The following KDM1B variants were observed in gnomAD, a reference collection of about 807,000 sequenced individuals.
KDM1B encodes the protein lysine demethylase 1B.
KDM1B carries 63 observed loss-of-function variants against 107.4 expected under a neutral mutation model. The ratio of observed to expected loss-of-function variants is 0.59; its 90% CI spans 0.48 to 0.72. The LOEUF (loss-of-function observed/expected upper bound fraction) is 0.72, where lower values mean the gene tolerates loss of function less well. Among genes scored for constraint, KDM1B ranks in the 30% least tolerant of loss-of-function variants. The probability of loss-of-function intolerance (pLI) is 0.00; values close to 1 mark genes in which losing one functional copy is unlikely to be tolerated. For synonymous variants in KDM1B, 363 were observed against 363.9 expected, an observed-to-expected ratio of 1.00 and a Z score of 0.03; for missense variants, 749 against 1,020.8, an observed-to-expected ratio of 0.73 and a Z score of 3.63.
At position 18,222,089 on chromosome 6, in the gene KDM1B, T is replaced by C; in HGVS notation, c.*97T>C. On this transcript the variant is annotated 3_prime_UTR_variant, in exon 22 of 22. Transcript: ENST00000650836. ...TATAAGAGGGGGAAAAAACCGTCTC[T>C]ACATAGTAAAACTGAAATGTTTCTA... is the stretch of plus-strand genomic sequence containing the variant. The C allele has an allele frequency of 1.9e-6, 2 of 1,076,470 alleles. No homozygotes were observed. Among genetic ancestry groups the C allele is most frequent in the Non-Finnish European group, 2.9e-6 (2 of 692,090 alleles). The allele number at this position is 1,076,470 out of a possible 1,614,324, so 66.7% of individuals were successfully genotyped here.
Position 18,200,987 on chromosome 6 carries a change from T to A in KDM1B, c.1359+411T>A, listed in dbSNP as rs1009383897. 6.6e-6 allele frequency among the ~76,000 whole-genome samples: 1 copy of A among 152,240 alleles called. No individual in the cohort carries two copies. Among genetic ancestry groups the A allele is most frequent in the African/African-American group, 2.4e-5 (1 of 41,472 alleles). ...CATACTTATACTTAAAAAAATTATG[T>A]ATTACTAATCTGAACATCATATTTA... On this transcript the variant is annotated intron_variant, in intron 13 of 21. Transcript: ENST00000650836. The surrounding 1 kb of genome is among the most constrained non-coding windows in gnomAD (Gnocchi z 4.3).
At chr6:18,195,760 T>G (rs928403440) in intron 10 of KDM1B, among the ~76,000 whole-genome samples, 18 of 131,722 alleles carry the variant, frequency 1.4e-4, no homozygotes, top group Admixed American at 3.8e-4. Flanking sequence ...AGAAAGAAAA[T>G]ATGTATACAT....
chr6:18,175,936 CT>C (rs1269882031), intron 7 of KDM1B, among the ~76,000 whole-genome samples: 1 of 151,672 alleles, frequency 6.6e-6, no homozygotes, highest in African/African-American at 2.4e-5. Flanking sequence ...CTTTGTCTTG[CT>C]TTGGCTATGC....
rs374180615 is a variant in KDM1B at position 18,208,107 on chromosome 6, T to C, written c.1792-25T>C. 8.8e-5 allele frequency: 140 copies of C among 1,592,076 alleles called. No homozygotes were observed. The Middle Eastern group carries it at 9.9e-4, about 11-fold the overall frequency. On this transcript the variant is annotated intron_variant, in intron 16 of 21. Transcript: ENST00000650836. ...GATCACGTGGTTCCATCCCTCACTTTTTTTCATAATTGCTTTTTGAGCAGG... is the reference window on the plus strand; with the variant it reads ...GATCACGTGGTTCCATCCCTCACTTCTTTTCATAATTGCTTTTTGAGCAGG...
Position 18,191,316 on chromosome 6 carries a change from C to A in KDM1B, c.904C>A (p.Arg302=). 1.9e-6 allele frequency: 3 copies of A among 1,550,928 alleles called. No homozygotes were observed. Among genetic ancestry groups the A allele is most frequent in the Middle Eastern group, 3.3e-4 (2 of 5,992 alleles). Residue 302 remains arginine, a synonymous_variant, in exon 10 of 22, where the codon CGA becomes AGA. Transcript: ENST00000650836. This position sits in a 1 kb window ranked among gnomAD's most constrained non-coding sequence, Gnocchi z 5.1. ...GCTCTATGAGTTTCCAGAGTATTCCCGAGACCCCACCATGTACCTGGCTTT... is the reference window on the plus strand; with the variant it reads ...GCTCTATGAGTTTCCAGAGTATTCCAGAGACCCCACCATGTACCTGGCTTT... The part of the protein sequence containing the change: ...DELYEFPEYS[R]DPTMYLALRN...
chr6:18,218,747 C>A (rs933388852), intron 21 of KDM1B, among the ~76,000 whole-genome samples: 1 of 152,018 alleles, frequency 6.6e-6, no homozygotes, highest in Admixed American at 6.5e-5. Flanking sequence ...TTGACACTGT[C>A]TGAGCTGGCC....
rs1419847392 is a variant in KDM1B at position 18,214,957 on chromosome 6, G to T, written c.2110-50G>T. ...AAACAAAAAAAAGAGGCCCTTATCT[G>T]TGGGAGCTGAGCACTCACAGACCTC... On this transcript the variant is annotated intron_variant, in intron 19 of 21. Transcript: ENST00000650836. The surrounding 1 kb of genome is among the most constrained non-coding windows in gnomAD (Gnocchi z 4.4). The T allele has an allele frequency of 6.3e-7, 1 of 1,585,646 alleles. No individual in the cohort carries two copies. The highest frequency in any genetic ancestry group is 8.6e-7 in the Non-Finnish European group (1 of 1,168,460).
intron 2 of KDM1B, among the ~76,000 whole-genome samples, chr6:18,157,418 T>C (rs1404342513): frequency 6.6e-6 from 1 of 152,190 alleles, no homozygotes; most frequent in Non-Finnish European, 1.5e-5. Flanking sequence ...TATTTTCTAG[T>C]ATTCAGTTAG....
chr6:18,158,871 C>G (rs180912358), intron 2 of KDM1B, among the ~76,000 whole-genome samples: 8 of 152,238 alleles, frequency 5.3e-5, no homozygotes, highest in Admixed American at 2.0e-4. Flanking sequence ...TAGAAGATAC[C>G]AGTGCTTCTA....
intron 10 of KDM1B, among the ~76,000 whole-genome samples, chr6:18,193,635 A>G (rs1787443325): frequency 6.6e-6 from 1 of 151,848 alleles, no homozygotes; most frequent in African/African-American, 2.4e-5. Flanking sequence ...CATGAATACA[A>G]ACAAATGTAT....
chr6:18,196,835 G>T (rs1458941526), intron 10 of KDM1B, among the ~76,000 whole-genome samples: 2 of 152,112 alleles, frequency 1.3e-5, no homozygotes, highest in African/African-American at 4.8e-5. Context: ...TTACATAAGG[G>T]ACTTGAGAAT....
At chr6:18,168,687 TC>T (rs1428625276) in intron 6 of KDM1B, among the ~76,000 whole-genome samples, 22 of 152,214 alleles carry the variant, frequency 1.4e-4, no homozygotes, top group African/African-American at 5.3e-4. Flanking sequence ...TTTCCATAGT[TC>T]CTGTACCATT....
At chr6:18,216,695 A>G (rs1789262160) in intron 20 of KDM1B, among the ~76,000 whole-genome samples, 1 of 152,176 alleles carries the variant, frequency 6.6e-6, no homozygotes, top group Non-Finnish European at 1.5e-5. Context: ...CAGTACCTCC[A>G]CACTGTAGAC....
Position 18,197,643 on chromosome 6 carries a change from G to A in KDM1B, c.1203G>A (p.Leu401=), listed in dbSNP as rs763440290. Residue 401 remains leucine (L), a synonymous_variant, in exon 12 of 22, where the codon CTG becomes CTA. Coordinates refer to ENST00000650836, the MANE Select transcript of KDM1B (RefSeq NM_001364614.2). The surrounding 1 kb of genome is among the most constrained non-coding windows in gnomAD (Gnocchi z 4.5). ...GPAGLAAARQ[L]HNFGIKVTVL... is the part of the protein sequence containing the mutation. ...CAGGATTAGCAGCTGCTAGGCAACTGCATAACTTTGGAATTAAGGTAGGAT... is the reference window on the plus strand; with the variant it reads ...CAGGATTAGCAGCTGCTAGGCAACTACATAACTTTGGAATTAAGGTAGGAT... 20 of 1,613,614 alleles carry A rather than the reference G, an allele frequency of 1.2e-5. No individual in the cohort carries two copies. In the South Asian group the frequency reaches 2.1e-4, roughly 17 times the overall value.
chr6:18,197,687 G>C lies in KDM1B; in HGVS notation c.1221+26G>C. The C allele has an allele frequency of 3.8e-6, 6 of 1,564,308 alleles. No individual in the cohort carries two copies. The highest frequency in any genetic ancestry group is 5.3e-6 in the Non-Finnish European group (6 of 1,140,536). On this transcript the variant is annotated intron_variant, in intron 12 of 21. Transcript: ENST00000650836. The surrounding 1 kb of genome is among the most constrained non-coding windows in gnomAD (Gnocchi z 4.5). ...GTAGGATTTTGGGGACATGGAGTTA[G>C]AACAGATGGTTGACTGCTCCTTTTG...
rs757532282 is a variant in KDM1B, at chr6:18,200,401, G to A, written c.1222-38G>A. 2.5e-6 allele frequency: 4 copies of A among 1,602,512 alleles called. No homozygotes were observed. The highest frequency in any genetic ancestry group is 3.4e-6 in the Non-Finnish European group (4 of 1,173,208). ...TAATACTGTGTCTGATATAACTCTT[G>A]TGTCCTATTTAGCTTCCCTGACTGT... On this transcript the variant is annotated intron_variant, in intron 12 of 21. Coordinates refer to ENST00000650836, the MANE Select transcript of KDM1B (RefSeq NM_001364614.2). The surrounding 1 kb of genome is among the most constrained non-coding windows in gnomAD (Gnocchi z 4.3).
intron 10 of KDM1B, among the ~76,000 whole-genome samples, chr6:18,195,895 T>A (rs1787617954): frequency 6.6e-6 from 1 of 152,212 alleles, no homozygotes; most frequent in Non-Finnish European, 1.5e-5. Context: ...ATTAACTATA[T>A]GTTGTAGTTA....
Position 18,201,805 on chromosome 6 carries a change from A to G in KDM1B, c.1531+148A>G, listed in dbSNP as rs1007493799. 4.5e-6 allele frequency: 3 copies of G among 666,094 alleles called. No homozygotes were observed. The highest frequency in any genetic ancestry group is 2.2e-5 in the South Asian group (1 of 44,980). 41.3% of individuals were successfully genotyped at this position (666,094 alleles called of 1,614,324 possible). A position where few individuals can be genotyped will look rare whatever the true frequency, so the allele number is the denominator to read the frequency against. ...TTCTTTTGGACTGATGGATTCTCCAAGTTCTCAGGGGAGGAGAACTTTTTG... is the reference window on the plus strand; with the variant it reads ...TTCTTTTGGACTGATGGATTCTCCAGGTTCTCAGGGGAGGAGAACTTTTTG... On this transcript the variant is annotated intron_variant, in intron 14 of 21. Transcript: ENST00000650836. The surrounding 1 kb of genome is among the most constrained non-coding windows in gnomAD (Gnocchi z 4.3).
chr6:18,214,321 G>T lies in KDM1B; in HGVS notation c.2109+540G>T, dbSNP rs1394227914. ...AGTTTCAAGAAACTTTGTCTTAAAA[G>T]GTTTCACATAGGAGCCGAGGGCAGA... On this transcript the variant is annotated intron_variant, in intron 19 of 21. Transcript: ENST00000650836. This position sits in a 1 kb window ranked among gnomAD's most constrained non-coding sequence, Gnocchi z 4.4. 6.6e-6 allele frequency among the ~76,000 whole-genome samples: 1 copy of T among 152,158 alleles called. No homozygotes were observed. Among genetic ancestry groups the T allele is most frequent in the South Asian group, 2.1e-4 (1 of 4,834 alleles).
Sources: gnomAD v4.1 joint callset for allele counts (sites outside exome capture counted in the v4.1 genomes callset) on GRCh38, gnomAD v4.1.1 for gene constraint, Gnocchi (gnomAD v3.1) non-coding constraint, MANE v1.5 for transcripts, NCBI Gene and HGNC (gene_info 2026-07-23, HGNC 2026-07-21) for gene names.